The following DNAH11 variants were observed in gnomAD, a reference collection of about 807,000 sequenced individuals.
The protein encoded by DNAH11 is axonemal beta dynein heavy chain 11.
A neutral mutation model predicts 526.0 loss-of-function variants in DNAH11; 442 were observed. The observed-to-expected ratio is 0.84, with a 90% CI of 0.78 to 0.91. The LOEUF is 0.91. DNAH11 is among the 40% of genes least tolerant of loss of function. DNAH11 has a pLI of 0.00. For missense variants in DNAH11, 6,989 were observed against 5,448.7 expected (o/e 1.28, Z -8.90); for synonymous variants, 2,461 against 1,935.9 (o/e 1.27, Z -7.12).
At chr7:21,734,118 T>C (rs1393798577) in intron 45 of DNAH11, among the ~76,000 whole-genome samples, 1 of 152,042 alleles carries the variant, frequency 6.6e-6, no homozygotes, top group East Asian at 1.9e-4. Flanking sequence ...GGTCAGGCTC[T>C]GTCAGACTTG....
At chr7:21,600,426 C>A (rs1785033908) in intron 15 of DNAH11, among the ~76,000 whole-genome samples, 1 of 151,976 alleles carries the variant, frequency 6.6e-6, no homozygotes, top group Non-Finnish European at 1.5e-5. Flanking sequence ...CCAGTGCACT[C>A]CAGCTTGAGT....
At position 21,591,711 on chromosome 7, in the gene DNAH11, T is replaced by G. The variant is rs563040485; in HGVS notation, c.2667+134T>G. The G allele has an allele frequency of 1.7e-4, 150 of 900,008 alleles. No individual in the cohort carries two copies. In the African/African-American group the frequency reaches 2.2e-3, roughly 13 times the overall value. The allele number at this position is 900,008 out of a possible 1,614,324, so 55.8% of individuals were successfully genotyped here. ...CTTTATGAATGGTATTATTAGGCAT[T>G]TAAAGTGGAGGAATTTGTGTTACTT... On this transcript the variant is annotated intron_variant, in intron 14 of 81. Transcript: ENST00000409508.
intron 44 of DNAH11, among the ~76,000 whole-genome samples, chr7:21,725,134 CT>C (rs1785047465): frequency 6.6e-6 from 1 of 152,198 alleles, no homozygotes; most frequent in Non-Finnish European, 1.5e-5. Flanking sequence ...GAGCCTGTTC[CT>C]TGCCAATATA....
At chr7:21,843,451 T>C (rs112272965) in intron 66 of DNAH11, among the ~76,000 whole-genome samples, 2 of 151,274 alleles carry the variant, frequency 1.3e-5, no homozygotes, top group African/African-American at 4.9e-5. Flanking sequence ...GATTAAAAAC[T>C]ATAAAGGAAT....
rs1212236469 is a variant in DNAH11, at chr7:21,884,354, G to A, written c.12451G>A (p.Asp4151Asn). The A allele has an allele frequency of 6.2e-7, 1 of 1,613,316 alleles. No individual in the cohort carries two copies. The highest frequency in any genetic ancestry group is 2.2e-5 in the East Asian group (1 of 44,856). The change falls in exon 76 of 82, where the codon GAC becomes AAC. Residue 4151 changes from aspartate to asparagine, a missense_variant. Transcript: ENST00000409508. ...CATGTATGGAGGCCACATCACAGAT[G>A]ACTGGGATCGCAAACTGTGTCGGGT... ...EIMYGGHITD[D>N]WDRKLCRVYL...
chr7:21,600,914 A>G lies in DNAH11; in HGVS notation c.3239A>G (p.Glu1080Gly). 1 of 1,613,788 alleles carries G rather than the reference A, an allele frequency of 6.2e-7. No homozygotes were observed. Among genetic ancestry groups the G allele is most frequent in the Non-Finnish European group, 8.5e-7 (1 of 1,179,770 alleles). Residue 1080 changes from glutamate (E) to glycine (G), a missense_variant, in exon 16 of 82, where the codon GAG becomes GGG. Transcript: ENST00000409508. The stretch of plus-strand genomic sequence containing the variant: ...ATTCCCGAACAACCACCAACTCTTG[A>G]GCAATTCAAAGAACAGGCAAGGAAA... ...EEIPEQPPTL[E>G]QFKEQIDIYE...
At chr7:21,819,555 C>T (rs1299551940) in intron 65 of DNAH11, among the ~76,000 whole-genome samples, 1 of 152,066 alleles carries the variant, frequency 6.6e-6, no homozygotes, top group Non-Finnish European at 1.5e-5. Flanking sequence ...AAGTGAAATC[C>T]TTGTTATTAA....
chr7:21,789,923 C>G (rs1228146620), intron 61 of DNAH11, among the ~76,000 whole-genome samples: 2 of 104,238 alleles, frequency 1.9e-5, no homozygotes, highest in Non-Finnish European at 3.8e-5. Flanking sequence ...TCCCTTCCTT[C>G]CTTCATTTTA....
rs1303227208 is a variant in DNAH11 at position 21,658,867 on chromosome 7, A to G, written c.5164A>G (p.Ile1722Val). The change falls in exon 30 of 82, where the codon ATA (isoleucine) becomes GTA (valine). Residue 1722 changes from isoleucine (I) to valine (V), a missense_variant. Ile to Val is a conservative substitution (Grantham distance 29). Transcript: ENST00000409508. ...GGTGCGTCATTCTATAACAGAAGCC[A>G]TAGTGGCCTACGAGGAAAAACCTAG... ...ETVRHSITEAIVAYEEKPREL... is the reference protein window; with the variant it reads ...ETVRHSITEAVVAYEEKPREL... The G allele has an allele frequency of 9.3e-6, 15 of 1,607,738 alleles. No individual in the cohort carries two copies. The African/African-American group carries it at 1.5e-4, about 16-fold the overall frequency.
chr7:21,732,045 C>T (rs1017300690), intron 45 of DNAH11, among the ~76,000 whole-genome samples: 1 of 152,186 alleles, frequency 6.6e-6, no homozygotes, highest in African/African-American at 2.4e-5. Context: ...TTCAGGCATT[C>T]CCTGGGAGCC....
chr7:21,884,022 A>C (rs191373564), intron 75 of DNAH11, among the ~76,000 whole-genome samples: 2 of 151,882 alleles, frequency 1.3e-5, no homozygotes, highest in African/African-American at 4.8e-5. Flanking sequence ...CAGCTTAGGC[A>C]ACAAAGCCAG....
intron 7 of DNAH11, 133 bp from the exon 8 acceptor site, chr7:21,571,673 A>G: frequency 1.5e-6 from 1 of 654,860 alleles, no homozygotes; most frequent in Non-Finnish European, 2.3e-6. Flanking sequence ...TCTGTCATGA[A>G]AATATTTATT....
At chr7:21,818,189 ATT>A in intron 64 of DNAH11, 26 bp from the exon 65 acceptor site, 1 of 1,593,738 alleles carries the variant, frequency 6.3e-7, no homozygotes, top group East Asian at 2.2e-5. Flanking sequence ...TTTACATTTT[ATT>A]ATCTCAAATC....
intron 54 of DNAH11, among the ~76,000 whole-genome samples, chr7:21,759,008 G>A (rs1382317320): frequency 1.3e-5 from 2 of 152,150 alleles, no homozygotes; most frequent in Non-Finnish European, 2.9e-5. Context: ...AAGAAAAATA[G>A]GCATCTGATT....
chr7:21,685,825 A>G (rs1184519032), intron 32 of DNAH11, among the ~76,000 whole-genome samples: 1 of 152,360 alleles, frequency 6.6e-6, no homozygotes, highest in East Asian at 1.9e-4. Flanking sequence ...GGGAAAAAAG[A>G]GAGTCCAGGT....
chr7:21,579,638 G>C (rs1784234705), intron 8 of DNAH11, among the ~76,000 whole-genome samples: 2 of 152,210 alleles, frequency 1.3e-5, no homozygotes, highest in Admixed American at 1.3e-4. Context: ...GTTAGGAGCA[G>C]TAAGTGGCAT....
chr7:21,656,530 A>G (rs1410857200), intron 29 of DNAH11, among the ~76,000 whole-genome samples: 1 of 152,282 alleles, frequency 6.6e-6, no homozygotes, highest in East Asian at 1.9e-4. Flanking sequence ...CTCACAGCCA[A>G]ATACCTCAAA....
At chr7:21,669,309 C>G (rs1782545205) in intron 30 of DNAH11, among the ~76,000 whole-genome samples, 1 of 152,092 alleles carries the variant, frequency 6.6e-6, no homozygotes, top group Non-Finnish European at 1.5e-5. Context: ...GTAGCAAGGA[C>G]TAGAGGCAAG....
chr7:21,821,738 TA>T (rs57470435), intron 65 of DNAH11, among the ~76,000 whole-genome samples: 1,869 of 152,166 alleles, frequency 0.012, 42 homozygotes, highest in African/African-American at 0.043. Flanking sequence ...CTAGCTATAT[TA>T]AAATATATAA....
Sources: gnomAD v4.1 joint callset for allele counts (sites outside exome capture counted in the v4.1 genomes callset) on GRCh38, gnomAD v4.1.1 for gene constraint, MANE v1.5 for transcripts, NCBI Gene and HGNC (gene_info 2026-07-23, HGNC 2026-07-21) for gene names.